Variants in PEAK1 observed in about 807,000 individuals in gnomAD.
The protein encoded by PEAK1 is inactive tyrosine-protein kinase PEAK1.
Under a neutral mutation model 124.7 loss-of-function variants are expected in PEAK1, and 54 were observed. The observed-to-expected ratio is 0.43, with a 90% CI of 0.35 to 0.54. The LOEUF (loss-of-function observed/expected upper bound fraction) is 0.54. PEAK1 is among the 20% of genes least tolerant of loss of function. The pLI, the probability that PEAK1 is intolerant of heterozygous loss-of-function variation, is 0.01. For missense variants in PEAK1, 2,046 were observed against 2,134.5 expected, an observed-to-expected ratio of 0.96 and a Z score of 0.82; for synonymous variants, 719 against 760.0, an observed-to-expected ratio of 0.95 and a Z score of 0.89.
intron 2 of PEAK1, chr15:77,347,445 G>A (rs2066933194): frequency 2.0e-6 from 2 of 985,182 alleles, no homozygotes; most frequent in South Asian, 9.4e-5. Flanking sequence ...AAGCAATATT[G>A]TTCTAGATAA....
At chr15:77,193,626 A>G (rs1004662796) in intron 6 of PEAK1, among the ~76,000 whole-genome samples, 8 of 152,202 alleles carry the variant, frequency 5.3e-5, no homozygotes, top group Non-Finnish European at 1.2e-4. Flanking sequence ...CAACATGGCG[A>G]AACCCCGTCT....
At chr15:77,118,203 A>T (rs1201370914) in intron 9 of PEAK1, among the ~76,000 whole-genome samples, 1 of 152,200 alleles carries the variant, frequency 6.6e-6, no homozygotes, top group African/African-American at 2.4e-5. Context: ...AGAGTGTAAA[A>T]GAGGAGGGAA....
chr15:77,386,127 G>A (rs112224345), intron 1 of PEAK1, among the ~76,000 whole-genome samples: 1,561 of 152,218 alleles, frequency 0.01, 32 homozygotes, highest in African/African-American at 0.036. Context: ...AGAACTAAAG[G>A]CCAGGAATAT....
chr15:77,371,725 T>C (rs1043578949), intron 1 of PEAK1, among the ~76,000 whole-genome samples: 1 of 152,152 alleles, frequency 6.6e-6, no homozygotes, highest in Non-Finnish European at 1.5e-5. Context: ...CCGTCTCTAC[T>C]AAAAATACAA....
chr15:77,162,864 A>T (rs889102627), intron 7 of PEAK1, among the ~76,000 whole-genome samples: 3 of 152,252 alleles, frequency 2.0e-5, no homozygotes, highest in Non-Finnish European at 4.4e-5. Context: ...AGAATTTCTT[A>T]TATACTATAT....
In PEAK1 at chr15:77,179,750, G is replaced by A. The variant is rs752711246; in HGVS notation, c.2177C>T (p.Ser726Phe). ...GQSSPQRSYS[S>F]SHSSPAKIQR... is the part of the protein sequence containing the mutation. ...GATCTTTGCTGGGGAGCTGTGGCTG[G>A]AACTATAGCTTCTCTGTGGTGAAGA... The change falls in exon 7 of 10, where the codon TCC becomes TTC. Residue 726 changes from serine (S) to phenylalanine (F), a missense_variant. By Grantham distance (155) the Ser-to-Phe change is radical. Coordinates refer to ENST00000682557, the MANE Select transcript of PEAK1 (RefSeq NM_001385026.1). The A allele has an allele frequency of 2.5e-6, 4 of 1,613,970 alleles. No individual in the cohort carries two copies. The highest frequency in any genetic ancestry group is 2.2e-5 in the South Asian group (2 of 91,076).
chr15:77,181,147 C>A lies in PEAK1; in HGVS notation c.780G>T (p.Leu260Phe), dbSNP rs2057242722. ...GCCCTCTCATGCGAATCTCCATGGC[C>A]AACAGCTCTTCATCACTCTCATCCC... ...ESWDESDEEL[L>F]AMEIRMRGQP... The change falls in exon 7 of 10, where the codon TTG (leucine) becomes TTT (phenylalanine). Residue 260 changes from leucine to phenylalanine, a missense_variant. Leu to Phe is a conservative substitution (Grantham distance 22, BLOSUM62 0). Transcript: ENST00000682557. 1 of 1,614,042 alleles carries A rather than the reference C, an allele frequency of 6.2e-7. No individual in the cohort carries two copies. Among genetic ancestry groups the A allele is most frequent in the Non-Finnish European group, 8.5e-7 (1 of 1,180,022 alleles).
intron 9 of PEAK1, among the ~76,000 whole-genome samples, chr15:77,119,521 G>T (rs558974980): frequency 6.6e-6 from 1 of 152,288 alleles, no homozygotes; most frequent in East Asian, 1.9e-4. Context: ...TAAATACAGA[G>T]GGTGGGGACC....
intron 6 of PEAK1, among the ~76,000 whole-genome samples, chr15:77,236,669 A>T (rs2060139655): frequency 6.6e-6 from 1 of 152,116 alleles, no homozygotes; most frequent in Non-Finnish European, 1.5e-5. Flanking sequence ...AAATGTGAGG[A>T]CATGAAATTT....
At chr15:77,329,122 T>C (rs1429140468) in intron 2 of PEAK1, among the ~76,000 whole-genome samples, 2 of 152,142 alleles carry the variant, frequency 1.3e-5, no homozygotes, top group African/African-American at 4.8e-5. Context: ...CAACAGGCCA[T>C]GAAGTAATTT....
At chr15:77,178,494 T>C (rs2057024161) in intron 7 of PEAK1, 1 of 395,166 alleles carries the variant, frequency 2.5e-6, no homozygotes, top group Non-Finnish European at 4.5e-6. Context: ...AACAACACAT[T>C]ATTTATTGCT....
chr15:77,161,487 T>C (rs1265933908), intron 7 of PEAK1, among the ~76,000 whole-genome samples: 3 of 152,234 alleles, frequency 2.0e-5, no homozygotes, highest in Admixed American at 6.5e-5. Context: ...ATTAAAGTAA[T>C]TGTCAACTCT....
rs2057174312 is a variant in PEAK1, at chr15:77,180,335, T to C, written c.1592A>G (p.Tyr531Cys). ...AHFQKSSAIR[Y>C]QEVWTSSTSP... Reference sequence around the variant, plus strand: ...GGTGCTAGAAGTCCATACTTCTTGGTATCGAATTGCACTGGATTTTTGGAA... The same window carrying C: ...GGTGCTAGAAGTCCATACTTCTTGGCATCGAATTGCACTGGATTTTTGGAA... Residue 531 changes from tyrosine (Y) to cysteine (C), a missense_variant, in exon 7 of 10, where the codon TAC becomes TGC. Transcript: ENST00000682557. 6.2e-7 allele frequency: 1 copy of C among 1,614,150 alleles called. No homozygotes were observed. The highest frequency in any genetic ancestry group is 1.1e-5 in the South Asian group (1 of 91,082).
intron 2 of PEAK1, among the ~76,000 whole-genome samples, chr15:77,317,737 G>C (rs2064965010): frequency 6.6e-6 from 1 of 152,170 alleles, no homozygotes; most frequent in African/African-American, 2.4e-5. Context: ...AAATTGAACA[G>C]CTCTACAAGT....
At position 77,133,173 on chromosome 15, in the gene PEAK1, A is replaced by C; in HGVS notation, c.3909T>G (p.Val1303=). The change falls in exon 9 of 10, where the codon GTT becomes GTG. Residue 1303 remains valine (V), a synonymous_variant. Coordinates refer to ENST00000682557, the MANE Select transcript of PEAK1 (RefSeq NM_001385026.1). This position sits in a 1 kb window ranked among gnomAD's most constrained non-coding sequence, Gnocchi z 4.2. ...LHTDALKKLA[V]KCEDLFMAGQ... is the part of the protein sequence containing the mutation. Reference sequence around the variant, plus strand: ...CAGCCATGAAAAGGTCTTCGCATTTAACAGCCAGTTTCTTCAAGGCATCTG... The same window carrying C: ...CAGCCATGAAAAGGTCTTCGCATTTCACAGCCAGTTTCTTCAAGGCATCTG... The C allele has an allele frequency of 6.2e-7, 1 of 1,614,196 alleles. No individual in the cohort carries two copies. The highest frequency in any genetic ancestry group is 8.5e-7 in the Non-Finnish European group (1 of 1,180,032).
At position 77,213,292 on chromosome 15, in the gene PEAK1, A is replaced by G. The variant is rs183934001; in HGVS notation, c.-114-31252T>C. The stretch of plus-strand genomic sequence containing the variant: ...AGTAGAAATTTATACATAAAATGAC[A>G]AAACACAGAAAATGATAATTAGGAC... On this transcript the variant is annotated intron_variant, in intron 6 of 9. Transcript: ENST00000682557. Among the ~76,000 whole-genome samples the G allele has an allele frequency of 2.4e-3, 369 of 152,310 alleles. 3 individuals are homozygous for G. The South Asian group carries it at 0.025, about 10-fold the overall frequency.
intron 9 of PEAK1, among the ~76,000 whole-genome samples, chr15:77,130,253 T>C (rs1002280583): frequency 6.6e-6 from 1 of 152,196 alleles, no homozygotes; most frequent in African/African-American, 2.4e-5. Flanking sequence ...CATCCTGCAT[T>C]GGTGATTTTG....
At chr15:77,126,767 A>G (rs958099829) in intron 9 of PEAK1, among the ~76,000 whole-genome samples, 1 of 152,170 alleles carries the variant, frequency 6.6e-6, no homozygotes, top group African/African-American at 2.4e-5. Context: ...AGGTCAGCTG[A>G]CTCCAAAGCT....
At chr15:77,105,140 G>C (rs1230295093), downstream of PEAK1, 1 of 152,214 alleles carries the variant, frequency 6.6e-6, no homozygotes. Context: ...GTGAGCATTG[G>C]GTGGTCCTGG....
Sources: allele counts gnomAD v4.1 joint callset (sites outside exome capture counted in the v4.1 genomes callset), GRCh38; gene constraint gnomAD v4.1.1; non-coding constraint Gnocchi (gnomAD v3.1); transcripts MANE v1.5; gene names NCBI Gene and HGNC (gene_info 2026-07-23, HGNC 2026-07-21).